The following CFAP299 variants were observed in gnomAD, a reference collection of about 807,000 sequenced individuals.
The protein encoded by CFAP299 is cilia and flagella associated protein 299.
Under a neutral mutation model 27.0 loss-of-function variants are expected in CFAP299, and 21 were observed. The observed-to-expected ratio is 0.78, with a 90% CI of 0.55 to 1.12. CFAP299 has a LOEUF of 1.12. Ranked by LOEUF, CFAP299 falls within the 50% of genes most tolerant of loss-of-function variation. The probability of loss-of-function intolerance (pLI) is 0.00; values close to 1 mark genes in which losing one functional copy is unlikely to be tolerated. For synonymous variants in CFAP299, 104 were observed against 98.1 expected (o/e 1.06, Z -0.36); for missense variants, 310 against 276.6 (o/e 1.12, Z -0.86).
At position 80,732,260 on chromosome 4, in the gene CFAP299, G is replaced by A. The variant is rs555358830; in HGVS notation, c.334-137733G>A. On this transcript the variant is annotated intron_variant, in intron 3 of 5. Transcript: ENST00000358105. ...TTGGAGAAAAGCCATAGATACTCTG[G>A]AAGTTTGTTTTAAGAATCACACACC... Among the ~76,000 whole-genome samples, 5 of 151,684 alleles carry A rather than the reference G, an allele frequency of 3.3e-5. No individual in the cohort carries two copies. The East Asian group carries it at 7.8e-4, about 24-fold the overall frequency.
intron 2 of CFAP299, among the ~76,000 whole-genome samples, chr4:80,448,980 C>T (rs1412689350): frequency 6.6e-6 from 1 of 152,126 alleles, no homozygotes; most frequent in Admixed American, 6.5e-5. Flanking sequence ...TAATTAAAAG[C>T]ATCAGGCAAA....
chr4:80,414,765 C>T (rs1726919358), intron 2 of CFAP299, among the ~76,000 whole-genome samples: 2 of 152,214 alleles, frequency 1.3e-5, no homozygotes, highest in South Asian at 4.1e-4. Context: ...TACTAACCCC[C>T]TCTGTACCCA....
chr4:80,791,533 A>G (rs1253988395), intron 3 of CFAP299, among the ~76,000 whole-genome samples: 1 of 152,088 alleles, frequency 6.6e-6, no homozygotes, highest in Non-Finnish European at 1.5e-5. Context: ...TAAGAAATTA[A>G]TTATTTCAGT....
chr4:80,419,746 G>A (rs1453406535), intron 2 of CFAP299, among the ~76,000 whole-genome samples: 1 of 152,108 alleles, frequency 6.6e-6, no homozygotes, highest in Non-Finnish European at 1.5e-5. Context: ...TGGATCATAT[G>A]TTAGTACTAT....
At chr4:80,869,576 C>T (rs936312056) in intron 3 of CFAP299, among the ~76,000 whole-genome samples, 20 of 152,088 alleles carry the variant, frequency 1.3e-4, no homozygotes, top group Admixed American at 1.3e-3. Context: ...TGCAGTGGCA[C>T]GTTCTTGGCT....
At chr4:80,590,253 C>T (rs1213006920) in intron 3 of CFAP299, among the ~76,000 whole-genome samples, 1 of 152,160 alleles carries the variant, frequency 6.6e-6, no homozygotes, top group Non-Finnish European at 1.5e-5. Context: ...TCTCAGTTTC[C>T]TTATCTGTAA....
intron 2 of CFAP299, among the ~76,000 whole-genome samples, chr4:80,451,352 T>A (rs1314327774): frequency 1.3e-5 from 2 of 152,232 alleles, no homozygotes; most frequent in Non-Finnish European, 2.9e-5. Flanking sequence ...ATTACTTCTT[T>A]GAATGTCCTA....
At chr4:80,563,706 A>C (rs1735148530) in intron 2 of CFAP299, among the ~76,000 whole-genome samples, 1 of 152,106 alleles carries the variant, frequency 6.6e-6, no homozygotes, top group African/African-American at 2.4e-5. Flanking sequence ...ATCAGAGCAG[A>C]AATAAAGGAA....
intron 3 of CFAP299, among the ~76,000 whole-genome samples, chr4:80,693,523 A>C (rs553772042): frequency 0.013 from 1,604 of 126,250 alleles, 29 homozygotes; most frequent in African/African-American, 0.044. Flanking sequence ...CAGGAAGGGG[A>C]ACATCACACT....
intron 3 of CFAP299, among the ~76,000 whole-genome samples, chr4:80,810,461 T>C (rs144278174): frequency 6.6e-6 from 1 of 152,092 alleles, no homozygotes; most frequent in East Asian, 1.9e-4. Context: ...TTAAGAATCT[T>C]GAGATGAAAT....
chr4:80,562,771 C>A (rs961220687), intron 2 of CFAP299, among the ~76,000 whole-genome samples: 3 of 151,200 alleles, frequency 2.0e-5, no homozygotes, highest in Non-Finnish European at 4.4e-5. Flanking sequence ...ATTAAAAAAT[C>A]CAGACCCATT....
intron 2 of CFAP299, among the ~76,000 whole-genome samples, chr4:80,509,077 C>T (rs887639196): frequency 4.6e-5 from 7 of 152,046 alleles, no homozygotes; most frequent in Admixed American, 3.9e-4. Context: ...CCATGCTGGT[C>T]TTGGTTACTA....
intron 3 of CFAP299, among the ~76,000 whole-genome samples, chr4:80,599,883 A>G (rs1202505894): frequency 6.6e-6 from 1 of 152,174 alleles, no homozygotes; most frequent in Non-Finnish European, 1.5e-5. Context: ...GATGCAAAGA[A>G]GGTTGTTGAT....
intron 3 of CFAP299, among the ~76,000 whole-genome samples, chr4:80,676,430 A>G (rs561977397): frequency 1.1e-3 from 172 of 152,222 alleles, no homozygotes; most frequent in African/African-American, 3.9e-3. Flanking sequence ...TTTTTGTTAT[A>G]TCCTTTTCTG....
intron 2 of CFAP299, among the ~76,000 whole-genome samples, chr4:80,417,440 A>G (rs894773564): frequency 4.6e-5 from 7 of 152,070 alleles, no homozygotes; most frequent in Admixed American, 2.6e-4. Flanking sequence ...CCTATTCAAG[A>G]TGGAGTTGCC....
intron 3 of CFAP299, among the ~76,000 whole-genome samples, chr4:80,655,930 T>A (rs1415510702): frequency 6.6e-6 from 1 of 152,176 alleles, no homozygotes; most frequent in Non-Finnish European, 1.5e-5. Context: ...AGAGCTGTTC[T>A]TGCTTCTCTT....
intron 5 of CFAP299, among the ~76,000 whole-genome samples, chr4:80,958,279 AT>A (rs879936007): frequency 4.6e-5 from 7 of 152,182 alleles, no homozygotes; most frequent in Non-Finnish European, 1.0e-4. Flanking sequence ...GTCGAACTTA[AT>A]TCCTTAAAAG....
intron 3 of CFAP299, among the ~76,000 whole-genome samples, chr4:80,805,043 T>G (rs1728795130): frequency 6.6e-6 from 1 of 152,110 alleles, no homozygotes; most frequent in South Asian, 2.1e-4. Context: ...TATAGCTATT[T>G]TCTTTGTGGT....
chr4:80,746,481 A>G (rs1234171574), intron 3 of CFAP299, among the ~76,000 whole-genome samples: 1 of 152,094 alleles, frequency 6.6e-6, no homozygotes. Flanking sequence ...CATTTTGCAT[A>G]TGGTTTCACT....
Sources: gnomAD v4.1 joint callset for allele counts (sites outside exome capture counted in the v4.1 genomes callset) on GRCh38, gnomAD v4.1.1 for gene constraint, MANE v1.5 for transcripts, NCBI Gene and HGNC (gene_info 2026-07-23, HGNC 2026-07-21) for gene names.